The following HPDL variants were observed in gnomAD, a reference collection of about 807,000 sequenced individuals.
HPDL encodes the protein 4-hydroxyphenylpyruvate dioxygenase-like protein.
In HPDL, 7 loss-of-function variants were observed where a neutral mutation model predicts 9.8. The ratio of observed to expected loss-of-function variants is 0.71; its 90% CI spans 0.41 to 1.34. The LOEUF (loss-of-function observed/expected upper bound fraction) is 1.34. Among genes scored for constraint, HPDL ranks in the 40% most tolerant of loss-of-function variants. The pLI, the probability that HPDL is intolerant of heterozygous loss-of-function variation, is 0.01. For synonymous variants in HPDL, 250 were observed against 228.2 expected, an observed-to-expected ratio of 1.10 and a Z score of -0.86; for missense variants, 530 against 495.1, an observed-to-expected ratio of 1.07 and a Z score of -0.67.
In HPDL at chr1:45,327,197, G is replaced by A. The variant is rs1484363454; in HGVS notation, c.49G>A (p.Ala17Thr). The change falls in exon 1 of 1, where the codon GCC becomes ACC. Residue 17 changes from alanine to threonine, a missense_variant. By Grantham distance (58) the Ala-to-Thr change is moderately conservative. Transcript: ENST00000334815. The surrounding 1 kb of genome is among the most constrained non-coding windows in gnomAD (Gnocchi z 6.3). Reference sequence around the variant, plus strand: ...GTGCCACATCGCCTTCCACGTGCCCGCCGGGCAGCCCCTAGCCCGGAACCT... The same window carrying A: ...GTGCCACATCGCCTTCCACGTGCCCACCGGGCAGCCCCTAGCCCGGAACCT... ...RLCHIAFHVP[A>T]GQPLARNLQR... 2.5e-6 allele frequency: 4 copies of A among 1,590,752 alleles called. No individual in the cohort carries two copies. Among genetic ancestry groups the A allele is most frequent in the Admixed American group, 1.7e-5 (1 of 57,732 alleles).
chr1:45,328,263 A>G lies in HPDL; in HGVS notation c.1115A>G (p.Ter372=). Residue 372 remains the stop codon, a stop_retained_variant, in exon 1 of 1, where the codon TAA becomes TGA. Coordinates refer to ENST00000334815, the MANE Select transcript of HPDL (RefSeq NM_032756.4). ...QEQSARSQEA[*] Reference sequence around the variant, plus strand: ...CAATCTGCCAGGAGCCAGGAAGCCTAAGGATGCCCAGGGCTGGGTGCAGCC... The same window carrying G: ...CAATCTGCCAGGAGCCAGGAAGCCTGAGGATGCCCAGGGCTGGGTGCAGCC... 6.2e-7 allele frequency: 1 copy of G among 1,613,122 alleles called. No individual in the cohort carries two copies. Among genetic ancestry groups the G allele is most frequent in the South Asian group, 1.1e-5 (1 of 91,052 alleles).
In HPDL at chr1:45,327,886, G is replaced by C. The variant is rs1341577780; in HGVS notation, c.738G>C (p.Gln246His). The change falls in exon 1 of 1, where the codon CAG becomes CAC. Residue 246 changes from glutamine (Q) to histidine (H), a missense_variant. By Grantham distance (24) the Gln-to-His change is conservative. Coordinates refer to ENST00000334815, the MANE Select transcript of HPDL (RefSeq NM_032756.4). The surrounding 1 kb of genome is among the most constrained non-coding windows in gnomAD (Gnocchi z 6.3). ...GATTRQDQVE[Q>H]FLARHKGPGL... ...CGACACGACAGGACCAGGTGGAGCA[G>C]TTCCTGGCCCGGCACAAGGGGCCAG... 1 of 1,549,986 alleles carries C rather than the reference G, an allele frequency of 6.5e-7. No homozygotes were observed.
Position 45,328,183 on chromosome 1 carries a change from G to T in HPDL, c.1035G>T (p.Gly345=). 1 of 1,614,200 alleles carries T rather than the reference G, an allele frequency of 6.2e-7. No homozygotes were observed. The change falls in exon 1 of 1, where the codon GGG becomes GGT. Residue 345 remains glycine, a synonymous_variant. Transcript: ENST00000334815. ...TFFLELIQRQ[G]ATGFGQGNIR... ...TCCTGGAGCTGATTCAGAGGCAGGG[G>T]GCCACTGGCTTTGGTCAGGGCAACA...
At position 45,327,940 on chromosome 1, in the gene HPDL, T is replaced by C; in HGVS notation, c.792T>C (p.Pro264=). ...PGLQHVGLYT[P]NIVEATEGVA... is the part of the protein sequence containing the mutation. ...TGCAGCACGTGGGGCTGTATACGCC[T>C]AACATTGTGGAGGCCACTGAGGGGG... Residue 264 remains proline, a synonymous_variant, in exon 1 of 1, where the codon CCT becomes CCC. Transcript: ENST00000334815. This position sits in a 1 kb window ranked among gnomAD's most constrained non-coding sequence, Gnocchi z 6.3. The C allele has an allele frequency of 6.3e-7, 1 of 1,590,104 alleles. No homozygotes were observed. Among genetic ancestry groups the C allele is most frequent in the Non-Finnish European group, 8.6e-7 (1 of 1,167,390 alleles).
chr1:45,327,481 C>G lies in HPDL; in HGVS notation c.333C>G (p.Asp111Glu), dbSNP rs780970828. Reference sequence around the variant, plus strand: ...CTGTCCCTCCCGTTCGCGTGCGGGACGCGCAGGGTGCCGCCACTTACGCCG... The same window carrying G: ...CTGTCCCTCCCGTTCGCGTGCGGGAGGCGCAGGGTGCCGCCACTTACGCCG... ...SVPVPPVRVRDAQGAATYAVV... is the reference protein window; with the variant it reads ...SVPVPPVRVREAQGAATYAVV... The change falls in exon 1 of 1, where the codon GAC becomes GAG. Residue 111 changes from aspartate to glutamate, a missense_variant. Coordinates refer to ENST00000334815, the MANE Select transcript of HPDL (RefSeq NM_032756.4). This position sits in a 1 kb window ranked among gnomAD's most constrained non-coding sequence, Gnocchi z 6.3. 1.9e-6 allele frequency: 3 copies of G among 1,594,004 alleles called. No individual in the cohort carries two copies. The highest frequency in any genetic ancestry group is 2.6e-6 in the Non-Finnish European group (3 of 1,176,456).
Position 45,327,904 on chromosome 1 carries a change from G to A in HPDL, c.756G>A (p.Lys252=). ...DQVEQFLARH[K]GPGLQHVGLY... ...TGGAGCAGTTCCTGGCCCGGCACAA[G>A]GGGCCAGGCCTGCAGCACGTGGGGC... is the stretch of plus-strand genomic sequence containing the variant. The change falls in exon 1 of 1, where the codon AAG becomes AAA. Residue 252 remains lysine, a synonymous_variant. Coordinates refer to ENST00000334815, the MANE Select transcript of HPDL (RefSeq NM_032756.4). The surrounding 1 kb of genome is among the most constrained non-coding windows in gnomAD (Gnocchi z 6.3). 1 of 1,551,928 alleles carries A rather than the reference G, an allele frequency of 6.4e-7. No individual in the cohort carries two copies. The highest frequency in any genetic ancestry group is 8.7e-7 in the Non-Finnish European group (1 of 1,148,918).
chr1:45,328,269 G>C lies in HPDL; in HGVS notation c.*5G>C. On this transcript the variant is annotated 3_prime_UTR_variant, in exon 1 of 1. Coordinates refer to ENST00000334815, the MANE Select transcript of HPDL (RefSeq NM_032756.4). ...GCCAGGAGCCAGGAAGCCTAAGGAT[G>C]CCCAGGGCTGGGTGCAGCCAGCTGT... 6.2e-7 allele frequency: 1 copy of C among 1,612,246 alleles called. No homozygotes were observed. The highest frequency in any genetic ancestry group is 8.5e-7 in the Non-Finnish European group (1 of 1,178,616).
rs1644271612 is a variant in HPDL, at chr1:45,328,447, T to G, written c.*183T>G. 3.3e-6 allele frequency: 2 copies of G among 599,822 alleles called. No homozygotes were observed. The highest frequency in any genetic ancestry group is 5.9e-6 in the Non-Finnish European group (2 of 336,574). 37.2% of individuals were successfully genotyped at this position (599,822 alleles called of 1,614,324 possible). ...CTCATTGGGCTCCAAAGAGGTGGGA[T>G]TTTTTAAAACTAAAACATTTCTTAT... On this transcript the variant is annotated 3_prime_UTR_variant, in exon 1 of 1. Transcript: ENST00000334815.
chr1:45,328,343 G>A lies in HPDL; in HGVS notation c.*79G>A, dbSNP rs56015816. ...ACAGAACTGAGGAACATCTGCAGGAGGCCCAACTAGTGAAAGGCTTTGCCT... is the reference window on the plus strand; with the variant it reads ...ACAGAACTGAGGAACATCTGCAGGAAGCCCAACTAGTGAAAGGCTTTGCCT... On this transcript the variant is annotated 3_prime_UTR_variant, in exon 1 of 1. Coordinates refer to ENST00000334815, the MANE Select transcript of HPDL (RefSeq NM_032756.4). 0.012 allele frequency: 18,108 copies of A among 1,461,970 alleles called. 1,911 individuals carry two copies. The African/African-American group carries it at 0.23, about 18-fold the overall frequency. The allele number at this position is 1,461,970 out of a possible 1,614,324, so 90.6% of individuals were successfully genotyped here.
rs1165159208 is a variant in HPDL at position 45,327,041 on chromosome 1, C to T, written c.-108C>T. Reference sequence around the variant, plus strand: ...CGAGGAACGCGCTCTGCGGGGTGAGCCGGACTCCCCAACTCCGGACGATCA... The same window carrying T: ...CGAGGAACGCGCTCTGCGGGGTGAGTCGGACTCCCCAACTCCGGACGATCA... On this transcript the variant is annotated 5_prime_UTR_variant, in exon 1 of 1. Coordinates refer to ENST00000334815, the MANE Select transcript of HPDL (RefSeq NM_032756.4). The surrounding 1 kb of genome is among the most constrained non-coding windows in gnomAD (Gnocchi z 6.3). 8.6e-6 allele frequency: 10 copies of T among 1,161,446 alleles called. No individual in the cohort carries two copies. The highest frequency in any genetic ancestry group is 2.0e-5 in the South Asian group (1 of 49,262). The allele number at this position is 1,161,446 out of a possible 1,614,324, so 71.9% of individuals were successfully genotyped here. A position where few individuals can be genotyped will look rare whatever the true frequency, so the allele number is the denominator to read the frequency against.
Position 45,327,940 on chromosome 1 carries a change from T to G in HPDL, c.792T>G (p.Pro264=). 1 of 1,590,104 alleles carries G rather than the reference T, an allele frequency of 6.3e-7. No individual in the cohort carries two copies. Among genetic ancestry groups the G allele is most frequent in the Non-Finnish European group, 8.6e-7 (1 of 1,167,390 alleles). Residue 264 remains proline (P), a synonymous_variant, in exon 1 of 1, where the codon CCT becomes CCG. Transcript: ENST00000334815. This position sits in a 1 kb window ranked among gnomAD's most constrained non-coding sequence, Gnocchi z 6.3. The part of the protein sequence containing the change: ...PGLQHVGLYT[P]NIVEATEGVA... ...TGCAGCACGTGGGGCTGTATACGCCTAACATTGTGGAGGCCACTGAGGGGG... is the reference window on the plus strand; with the variant it reads ...TGCAGCACGTGGGGCTGTATACGCCGAACATTGTGGAGGCCACTGAGGGGG...
At position 45,327,840 on chromosome 1, in the gene HPDL, C is replaced by A; in HGVS notation, c.692C>A (p.Ala231Asp). 1 of 1,555,080 alleles carries A rather than the reference C, an allele frequency of 6.4e-7. No homozygotes were observed. Among genetic ancestry groups the A allele is most frequent in the Non-Finnish European group, 8.7e-7 (1 of 1,150,092 alleles). ...PGSIVPTLVL[A>D]ESLPGATTRQ... ...AGCATTGTCCCCACTCTTGTTCTGG[C>A]TGAGTCCCTTCCGGGGGCGACGACA... The change falls in exon 1 of 1, where the codon GCT becomes GAT. Residue 231 changes from alanine to aspartate, a missense_variant. Coordinates refer to ENST00000334815, the MANE Select transcript of HPDL (RefSeq NM_032756.4). This position sits in a 1 kb window ranked among gnomAD's most constrained non-coding sequence, Gnocchi z 6.3.
chr1:45,327,887 T>C lies in HPDL; in HGVS notation c.739T>C (p.Phe247Leu). The change falls in exon 1 of 1, where the codon TTC (phenylalanine) becomes CTC (leucine). Residue 247 changes from phenylalanine (F) to leucine (L), a missense_variant. Physicochemically the swap from Phe to Leu is conservative, Grantham distance 22. Transcript: ENST00000334815. The surrounding 1 kb of genome is among the most constrained non-coding windows in gnomAD (Gnocchi z 6.3). ...ATTRQDQVEQ[F>L]LARHKGPGLQ... ...GACACGACAGGACCAGGTGGAGCAG[T>C]TCCTGGCCCGGCACAAGGGGCCAGG... 2 of 1,549,754 alleles carry C rather than the reference T, an allele frequency of 1.3e-6. No individual in the cohort carries two copies. The highest frequency in any genetic ancestry group is 1.7e-6 in the Non-Finnish European group (2 of 1,147,678).
In HPDL at chr1:45,328,677, T is replaced by A. The variant is rs1302636394; in HGVS notation, c.*413T>A. On this transcript the variant is annotated 3_prime_UTR_variant, in exon 1 of 1. Transcript: ENST00000334815. ...GTATGTAACATAACCCTAAATAAAT[T>A]ATTTCGTATTTGAGGTAGGAATTTA... 1 of 190,180 alleles carries A rather than the reference T, an allele frequency of 5.3e-6. No individual in the cohort carries two copies. The highest frequency in any genetic ancestry group is 5.4e-5 in the Admixed American group (1 of 18,424). The allele number at this position is 190,180 out of a possible 1,614,324, so 11.8% of individuals were successfully genotyped here.
chr1:45,327,675 T>C lies in HPDL; in HGVS notation c.527T>C (p.Leu176Pro), dbSNP rs773333490. Residue 176 changes from leucine (L) to proline (P), a missense_variant, in exon 1 of 1, where the codon CTT becomes CCT. By Grantham distance (98) the Leu-to-Pro change is moderately conservative. Transcript: ENST00000334815. The surrounding 1 kb of genome is among the most constrained non-coding windows in gnomAD (Gnocchi z 6.3). The part of the protein sequence containing the change: ...LACTPGSSPT[L>P]LRWFHDCLGF... ...TGCACCCCCGGCAGCTCCCCCACAC[T>C]TTTGCGCTGGTTCCACGACTGCCTG... 6.2e-7 allele frequency: 1 copy of C among 1,610,556 alleles called. No individual in the cohort carries two copies. The highest frequency in any genetic ancestry group is 1.1e-5 in the South Asian group (1 of 90,844).
At position 45,327,183 on chromosome 1, in the gene HPDL, C is replaced by G; in HGVS notation, c.35C>G (p.Ala12Gly). ...AAPALRLCHI[A>G]FHVPAGQPLA... Reference sequence around the variant, plus strand: ...CCCGCCCTTCGTTTGTGCCACATCGCCTTCCACGTGCCCGCCGGGCAGCCC... The same window carrying G: ...CCCGCCCTTCGTTTGTGCCACATCGGCTTCCACGTGCCCGCCGGGCAGCCC... Residue 12 changes from alanine to glycine, a missense_variant, in exon 1 of 1, where the codon GCC (alanine) becomes GGC (glycine). By Grantham distance (60) the Ala-to-Gly change is moderately conservative. Transcript: ENST00000334815. This position sits in a 1 kb window ranked among gnomAD's most constrained non-coding sequence, Gnocchi z 6.3. 4 of 1,583,590 alleles carry G rather than the reference C, an allele frequency of 2.5e-6. No homozygotes were observed. Among genetic ancestry groups the G allele is most frequent in the Non-Finnish European group, 3.4e-6 (4 of 1,163,214 alleles).
rs1485591596 is a variant in HPDL at position 45,328,579 on chromosome 1, A to G, written c.*315A>G. 1 of 293,708 alleles carries G rather than the reference A, an allele frequency of 3.4e-6. No individual in the cohort carries two copies. Among genetic ancestry groups the G allele is most frequent in the East Asian group, 6.4e-5 (1 of 15,696 alleles). 18.2% of individuals were successfully genotyped at this position (293,708 alleles called of 1,614,324 possible). On this transcript the variant is annotated 3_prime_UTR_variant, in exon 1 of 1. Transcript: ENST00000334815. The stretch of plus-strand genomic sequence containing the variant: ...CGAGTCCTCCCTGTGTCCCGCTGTG[A>G]TTCTATTTCCTCCCACCCACTCCTC...
chr1:45,327,481 C>T lies in HPDL; in HGVS notation c.333C>T (p.Asp111=). The T allele has an allele frequency of 1.9e-6, 3 of 1,594,004 alleles. No individual in the cohort carries two copies. Among genetic ancestry groups the T allele is most frequent in the Non-Finnish European group, 2.6e-6 (3 of 1,176,456 alleles). The change falls in exon 1 of 1, where the codon GAC becomes GAT. Residue 111 remains aspartate (D), a synonymous_variant. Transcript: ENST00000334815. The surrounding 1 kb of genome is among the most constrained non-coding windows in gnomAD (Gnocchi z 6.3). ...SVPVPPVRVR[D]AQGAATYAVV... Reference sequence around the variant, plus strand: ...CTGTCCCTCCCGTTCGCGTGCGGGACGCGCAGGGTGCCGCCACTTACGCCG... The same window carrying T: ...CTGTCCCTCCCGTTCGCGTGCGGGATGCGCAGGGTGCCGCCACTTACGCCG...
In HPDL at chr1:45,328,165, G is replaced by A. The variant is rs148694275; in HGVS notation, c.1017G>A (p.Glu339=). 4.8e-4 allele frequency: 774 copies of A among 1,614,258 alleles called. 3 individuals carry two copies. Among genetic ancestry groups the A allele is most frequent in the South Asian group, 4.4e-3 (401 of 91,088 alleles). The change falls in exon 1 of 1, where the codon GAG becomes GAA. Residue 339 remains glutamate, a synonymous_variant. Coordinates refer to ENST00000334815, the MANE Select transcript of HPDL (RefSeq NM_032756.4). Reference sequence around the variant, plus strand: ...TTACTGAGGACACTTTCTTCCTGGAGCTGATTCAGAGGCAGGGGGCCACTG... The same window carrying A: ...TTACTGAGGACACTTTCTTCCTGGAACTGATTCAGAGGCAGGGGGCCACTG... The part of the protein sequence containing the change: ...SLFTEDTFFL[E]LIQRQGATGF...
Sources: allele counts gnomAD v4.1 joint callset, GRCh38; gene constraint gnomAD v4.1.1; non-coding constraint Gnocchi (gnomAD v3.1); transcripts MANE v1.5; gene names NCBI Gene and HGNC (gene_info 2026-07-23, HGNC 2026-07-21).